Variants in CTCF observed in about 807,000 individuals in gnomAD.
The protein encoded by CTCF is transcriptional repressor CTCF.
A neutral mutation model predicts 72.3 loss-of-function variants in CTCF; 7 were observed. That is an observed-to-expected ratio of 0.10 (90% CI 0.06 to 0.18). The LOEUF (loss-of-function observed/expected upper bound fraction) is 0.18, where lower values mean the gene tolerates loss of function less well. Among genes scored for constraint, CTCF ranks in the 10% least tolerant of loss-of-function variants. The pLI, the probability that CTCF is intolerant of heterozygous loss-of-function variation, is 1.00. For missense variants in CTCF, 516 were observed against 949.1 expected (o/e 0.54, Z 6.00); for synonymous variants, 374 against 315.8 (o/e 1.18, Z -1.95).
At chr16:67,624,004 C>G (rs1031827237) in intron 7 of CTCF, among the ~76,000 whole-genome samples, 5 of 146,492 alleles carry the variant, frequency 3.4e-5, no homozygotes, top group African/African-American at 1.3e-4. Flanking sequence ...GCGGAGATCG[C>G]GCCACGGCAC....
intron 10 of CTCF, among the ~76,000 whole-genome samples, chr16:67,631,690 CCT>C (rs1491534608): frequency 1.3e-4 from 15 of 117,618 alleles, no homozygotes; most frequent in African/African-American, 4.6e-4. Context: ...ACCCCCCCCC[CCT>C]TTTTTTTTTC....
chr16:67,607,628 A>G (rs2051994180), intron 2 of CTCF, among the ~76,000 whole-genome samples: 1 of 152,118 alleles, frequency 6.6e-6, no homozygotes, highest in South Asian at 2.1e-4. Context: ...ATAAGAGCCA[A>G]AAACTATGAA....
intron 2 of CTCF, among the ~76,000 whole-genome samples, chr16:67,581,430 C>G (rs1215744911): frequency 6.6e-6 from 1 of 151,506 alleles, no homozygotes; most frequent in Non-Finnish European, 1.5e-5. Flanking sequence ...TCAAGTGATT[C>G]TTGTGCCTTA....
intron 1 of CTCF, chr16:67,563,501 G>T (rs570815639): frequency 6.6e-6 from 1 of 152,162 alleles, no homozygotes; most frequent in Non-Finnish European, 1.5e-5. Context: ...GCGGGCGGGG[G>T]GACGCGCGCT....
At chr16:67,565,222 G>A (rs989554277) in intron 1 of CTCF, among the ~76,000 whole-genome samples, 1 of 151,828 alleles carries the variant, frequency 6.6e-6, no homozygotes. Context: ...GGCTGGTCTC[G>A]AACTCCTGAC....
chr16:67,591,972 C>G (rs373989951), intron 2 of CTCF, among the ~76,000 whole-genome samples: 23 of 152,056 alleles, frequency 1.5e-4, no homozygotes, highest in African/African-American at 5.3e-4. Flanking sequence ...CTCTGCCTCC[C>G]CAAGTACTGG....
chr16:67,637,902 C>G lies in CTCF; in HGVS notation c.*30C>G. On this transcript the variant is annotated 3_prime_UTR_variant, in exon 12 of 12. Coordinates refer to ENST00000264010, the MANE Select transcript of CTCF (RefSeq NM_006565.4). ...GGAGCCTTGTGCGTCGCCAGGACTTCTCTGGGCTGTGTTTAAACGGCCCGC... is the reference window on the plus strand; with the variant it reads ...GGAGCCTTGTGCGTCGCCAGGACTTGTCTGGGCTGTGTTTAAACGGCCCGC... The G allele has an allele frequency of 1.9e-6, 3 of 1,541,110 alleles. No homozygotes were observed. Among genetic ancestry groups the G allele is most frequent in the Non-Finnish European group, 2.6e-6 (3 of 1,139,562 alleles).
chr16:67,575,610 T>G (rs2051485899), intron 2 of CTCF, among the ~76,000 whole-genome samples: 1 of 152,038 alleles, frequency 6.6e-6, no homozygotes, highest in Non-Finnish European at 1.5e-5. Context: ...GTCTAGCTAA[T>G]TTTTGTATTT....
At chr16:67,582,158 C>T (rs1348236406) in intron 2 of CTCF, among the ~76,000 whole-genome samples, 1 of 151,468 alleles carries the variant, frequency 6.6e-6, no homozygotes, top group East Asian at 2.0e-4. Context: ...TTGCAGTGAG[C>T]CGAGATCGTG....
At chr16:67,585,348 C>G (rs1006869541) in intron 2 of CTCF, among the ~76,000 whole-genome samples, 1 of 152,210 alleles carries the variant, frequency 6.6e-6, no homozygotes, top group African/African-American at 2.4e-5. Context: ...CCGTGCCCGT[C>G]TTACACATGT....
At chr16:67,624,098 T>A (rs1306477826) in intron 7 of CTCF, among the ~76,000 whole-genome samples, 1 of 133,620 alleles carries the variant, frequency 7.5e-6, no homozygotes. Flanking sequence ...TGTGTGTGTG[T>A]GTGTGTGTGT....
chr16:67,590,661 C>G (rs542165777), intron 2 of CTCF, among the ~76,000 whole-genome samples: 2 of 151,238 alleles, frequency 1.3e-5, no homozygotes, highest in Non-Finnish European at 2.9e-5. Context: ...AAAAATTGGC[C>G]GAGCACGGTG....
intron 4 of CTCF, among the ~76,000 whole-genome samples, chr16:67,612,735 C>A (rs1486160123): frequency 6.6e-6 from 1 of 151,756 alleles, no homozygotes; most frequent in Non-Finnish European, 1.5e-5. Context: ...AAGTTGGAGA[C>A]CAGCCTGGCC....
chr16:67,565,673 C>CA (rs201956341), intron 1 of CTCF, among the ~76,000 whole-genome samples: 5,638 of 61,322 alleles, frequency 0.092, 454 homozygotes, highest in African/African-American at 0.24. Flanking sequence ...ACTCTTATCT[C>CA]AAAAAAAAAA....
At chr16:67,621,614 AGTG>A in intron 7 of CTCF, 23 bp downstream of exon 7, 1 of 1,551,970 alleles carries the variant, frequency 6.4e-7, no homozygotes, top group Admixed American at 1.7e-5. Flanking sequence ...ACTAGTGAGA[AGTG>A]AAAAAAATAT....
chr16:67,592,666 C>T (rs1421784137), intron 2 of CTCF, among the ~76,000 whole-genome samples: 1 of 152,164 alleles, frequency 6.6e-6, no homozygotes, highest in Admixed American at 6.6e-5. Flanking sequence ...GATCGTGCCA[C>T]TGCACTGCAG....
At chr16:67,608,929 CG>C (rs1555533861) in intron 2 of CTCF, among the ~76,000 whole-genome samples, 1 of 151,954 alleles carries the variant, frequency 6.6e-6, no homozygotes, top group Non-Finnish European at 1.5e-5. Context: ...TTACTTAGGA[CG>C]GGGTTTCTCC....
At chr16:67,604,734 T>C (rs1230489314) in intron 2 of CTCF, among the ~76,000 whole-genome samples, 1 of 142,928 alleles carries the variant, frequency 7.0e-6, no homozygotes, top group African/African-American at 2.9e-5. Flanking sequence ...ACCAGGGTTT[T>C]TTTTTTTTTT....
At chr16:67,584,680 TATA>T (rs2051644751) in intron 2 of CTCF, among the ~76,000 whole-genome samples, 1 of 152,070 alleles carries the variant, frequency 6.6e-6, no homozygotes, top group Non-Finnish European at 1.5e-5. Context: ...CCTTCTTACC[TATA>T]AGTATTACTC....
Sources: allele counts gnomAD v4.1 joint callset (sites outside exome capture counted in the v4.1 genomes callset), GRCh38; gene constraint gnomAD v4.1.1; transcripts MANE v1.5; gene names NCBI Gene and HGNC (gene_info 2026-07-23, HGNC 2026-07-21).